SLC27A1: variants seen among roughly 807,000 people sequenced by gnomAD.
The protein encoded by SLC27A1 is long-chain fatty acid transport protein 1.
SLC27A1 carries 61 observed loss-of-function variants against 62.2 expected under a neutral mutation model. The ratio of observed to expected loss-of-function variants is 0.98; its 90% CI spans 0.80 to 1.21. The LOEUF (loss-of-function observed/expected upper bound fraction) is 1.21. SLC27A1 is among the 50% of genes most tolerant of loss of function. The pLI, the probability that SLC27A1 is intolerant of heterozygous loss-of-function variation, is 0.00. For synonymous variants in SLC27A1, 435 were observed against 408.6 expected, an observed-to-expected ratio of 1.06 and a Z score of -0.78; for missense variants, 903 against 932.1, an observed-to-expected ratio of 0.97 and a Z score of 0.41.
chr19:17,501,892 A>C (rs1327404753), intron 11 of SLC27A1, among the ~76,000 whole-genome samples: 1 of 150,930 alleles, frequency 6.6e-6, no homozygotes, highest in Non-Finnish European at 1.5e-5. Flanking sequence ...CAGGTGGATC[A>C]CCTGAGGTCA....
intron 7 of SLC27A1, 200 bp downstream of exon 7, chr19:17,497,664 A>ATG: frequency 1.6e-6 from 1 of 632,334 alleles, no homozygotes; most frequent in South Asian, 1.7e-5. Context: ...GCCTGCACAG[A>ATG]TAGTCATGTG....
chr19:17,490,530 G>C (rs184715935), intron 6 of SLC27A1, among the ~76,000 whole-genome samples: 1 of 152,006 alleles, frequency 6.6e-6, no homozygotes, highest in East Asian at 1.9e-4. Context: ...AGAGAGTTCT[G>C]GTGCACCCCT....
chr19:17,470,500 C>T (rs571762674), upstream of SLC27A1: 1,268 of 1,500,892 alleles, frequency 8.4e-4, 1 homozygote, highest in Non-Finnish European at 9.4e-4. Context: ...TGGGGCGGGG[C>T]TGGAGCGGCC....
At chr19:17,489,168 C>T (rs957946616) in intron 6 of SLC27A1, 51 bp downstream of exon 6, 1 of 1,488,064 alleles carries the variant, frequency 6.7e-7, no homozygotes, top group Non-Finnish European at 9.2e-7. Context: ...AGCCAGGCCT[C>T]ACCCCCTCCC....
intron 1 of SLC27A1, among the ~76,000 whole-genome samples, chr19:17,484,541 C>A (rs116763979): frequency 1.8e-3 from 279 of 151,876 alleles, no homozygotes; most frequent in African/African-American, 6.4e-3. Context: ...AAGCCATGAT[C>A]ATGGACTCTA....
At chr19:17,504,078 G>A (rs183364043) in intron 11 of SLC27A1, among the ~76,000 whole-genome samples, 1 of 151,390 alleles carries the variant, frequency 6.6e-6, no homozygotes, top group African/African-American at 2.4e-5. Flanking sequence ...AGCCATTATT[G>A]TGCCCGGCCC....
At position 17,486,184 on chromosome 19, in the gene SLC27A1, G is replaced by T. The variant is rs764957073; in HGVS notation, c.168-379G>T. On this transcript the variant is annotated intron_variant, in intron 1 of 11. Coordinates refer to ENST00000252595, the MANE Select transcript of SLC27A1 (RefSeq NM_198580.3). The surrounding 1 kb of genome is among the most constrained non-coding windows in gnomAD (Gnocchi z 6.6). ...CCCAGCTCGGGGCTGGACCCTGGGGGTCCTGGTTAGGGTGGTCTGAGCATG... is the reference window on the plus strand; with the variant it reads ...CCCAGCTCGGGGCTGGACCCTGGGGTTCCTGGTTAGGGTGGTCTGAGCATG... Among the ~76,000 whole-genome samples the T allele has an allele frequency of 2.0e-5, 3 of 152,186 alleles. No individual in the cohort carries two copies. The highest frequency in any genetic ancestry group is 4.4e-5 in the Non-Finnish European group (3 of 68,024).
chr19:17,502,356 T>TG, intron 11 of SLC27A1, among the ~76,000 whole-genome samples: 1 of 114,028 alleles, frequency 8.8e-6, no homozygotes, highest in South Asian at 3.3e-4. Context: ...TTTTTTTTTT[T>TG]TTTTTTTTTT....
intron 1 of SLC27A1, among the ~76,000 whole-genome samples, chr19:17,481,313 CTTTTTTTTTT>C (rs1041522913): frequency 4.7e-5 from 6 of 127,280 alleles, no homozygotes; most frequent in Non-Finnish European, 8.3e-5. Flanking sequence ...GGTTTAGTTC[CTTTTTTTTTT>C]TTTTTTTTTT....
rs964109665 is a variant in SLC27A1 at position 17,504,760 on chromosome 19, C to A, written c.*148C>A. 2.8e-6 allele frequency: 3 copies of A among 1,057,160 alleles called. No individual in the cohort carries two copies. Among genetic ancestry groups the A allele is most frequent in the African/African-American group, 1.6e-5 (1 of 63,944 alleles). 65.5% of individuals were successfully genotyped at this position (1,057,160 alleles called of 1,614,324 possible). ...CCCATCCTGGACTGAGAAACTGGAA[C>A]CTCAGAGGAACCCGTGCCTCTCTGC... On this transcript the variant is annotated 3_prime_UTR_variant, in exon 12 of 12. Transcript: ENST00000252595.
At chr19:17,485,221 G>A (rs1180014775) in intron 1 of SLC27A1, among the ~76,000 whole-genome samples, 1 of 109,914 alleles carries the variant, frequency 9.1e-6, no homozygotes, top group Admixed American at 1.1e-4. Flanking sequence ...ATGGAGTCTT[G>A]CTCTTTGGCC....
chr19:17,470,327 G>T (rs939852298), upstream of SLC27A1: 4 of 552,036 alleles, frequency 7.2e-6, no homozygotes, highest in African/African-American at 8.1e-5. Flanking sequence ...GGGTGTAAAA[G>T]CCTGGAAAGG....
intron 1 of SLC27A1, among the ~76,000 whole-genome samples, chr19:17,482,831 C>A (rs775055912): frequency 2.0e-5 from 3 of 151,934 alleles, no homozygotes; most frequent in Admixed American, 6.6e-5. Flanking sequence ...GGTACTGGAC[C>A]CAGGGGCATG....
At chr19:17,473,257 G>C (rs1439121610) in intron 1 of SLC27A1, among the ~76,000 whole-genome samples, 1 of 152,186 alleles carries the variant, frequency 6.6e-6, no homozygotes, top group African/African-American at 2.4e-5. Context: ...TTGACTTTCA[G>C]ACAGCCAGAT....
chr19:17,502,883 G>A (rs1344506387), intron 11 of SLC27A1, among the ~76,000 whole-genome samples: 1 of 151,998 alleles, frequency 6.6e-6, no homozygotes, highest in African/African-American at 2.4e-5. Context: ...GATGGGGTCT[G>A]TATTAGTCCA....
chr19:17,484,832 C>A (rs763818972), intron 1 of SLC27A1, among the ~76,000 whole-genome samples: 2 of 152,130 alleles, frequency 1.3e-5, no homozygotes, highest in Non-Finnish European at 2.9e-5. Context: ...TTGCAGGGAT[C>A]TGGGGAGGCC....
At chr19:17,496,070 T>G (rs373596794) in intron 6 of SLC27A1, 1 of 153,266 alleles carries the variant, frequency 6.5e-6, no homozygotes, top group Non-Finnish European at 1.5e-5. Context: ...CCAGATCCAG[T>G]TGGCCACAGG....
At chr19:17,484,697 G>A (rs2075211629) in intron 1 of SLC27A1, among the ~76,000 whole-genome samples, 1 of 152,078 alleles carries the variant, frequency 6.6e-6, no homozygotes, top group Admixed American at 6.5e-5. Flanking sequence ...AATGAATGAA[G>A]GAGAGAATGA....
chr19:17,472,321 G>A (rs1018981062), intron 1 of SLC27A1, among the ~76,000 whole-genome samples: 1 of 151,468 alleles, frequency 6.6e-6, no homozygotes, highest in Non-Finnish European at 1.5e-5. Flanking sequence ...TGTGAACCCC[G>A]GAGGCGGAGC....
Sources: allele counts gnomAD v4.1 joint callset (sites outside exome capture counted in the v4.1 genomes callset), GRCh38; gene constraint gnomAD v4.1.1; non-coding constraint Gnocchi (gnomAD v3.1); transcripts MANE v1.5; gene names NCBI Gene and HGNC (gene_info 2026-07-23, HGNC 2026-07-21).